The following FAM171A1 variants were observed in gnomAD, a reference collection of about 807,000 sequenced individuals.
FAM171A1 encodes the protein family with sequence similarity 171 member A1.
FAM171A1 carries 23 observed loss-of-function variants against 74.9 expected under a neutral mutation model. The observed-to-expected ratio is 0.31, with a 90% CI of 0.22 to 0.44. FAM171A1 has a LOEUF of 0.44. Among genes scored for constraint, FAM171A1 ranks in the 20% least tolerant of loss-of-function variants. FAM171A1 has a pLI of 1.00. For synonymous variants in FAM171A1, 527 were observed against 505.7 expected (o/e 1.04, Z -0.57); for missense variants, 1,162 against 1,159.2 (o/e 1.00, Z -0.03).
chr10:15,353,297 G>A (rs777295804), intron 1 of FAM171A1, among the ~76,000 whole-genome samples: 31 of 152,184 alleles, frequency 2.0e-4, no homozygotes, highest in Non-Finnish European at 4.1e-4. Flanking sequence ...ATAGTTTGAC[G>A]CCGCCCTTTG....
chr10:15,333,422 C>G (rs1835664571), intron 1 of FAM171A1, among the ~76,000 whole-genome samples: 1 of 152,196 alleles, frequency 6.6e-6, no homozygotes, highest in African/African-American at 2.4e-5. Context: ...ATTGCCTGAA[C>G]CCAGGAGGCG....
intron 1 of FAM171A1, among the ~76,000 whole-genome samples, chr10:15,287,017 TA>T (rs1293286742): frequency 7.2e-5 from 11 of 151,808 alleles, no homozygotes; most frequent in Admixed American, 1.3e-4. Context: ...GATATGATAT[TA>T]CAGAATACAT....
intron 1 of FAM171A1, among the ~76,000 whole-genome samples, chr10:15,362,867 T>G (rs916387678): frequency 1.3e-5 from 2 of 152,262 alleles, no homozygotes; most frequent in African/African-American, 4.8e-5. Context: ...CTTCTCACTT[T>G]AGGCATTTAT....
intron 1 of FAM171A1, among the ~76,000 whole-genome samples, chr10:15,312,673 G>GTTTGTTTTTTTTTTTT (rs1564274246): frequency 8.2e-5 from 3 of 36,382 alleles, no homozygotes; most frequent in African/African-American, 1.2e-4. Context: ...AGCACTGTGT[G>GTTTGTTTTTTTTTTTT]TTTTTTTTTT....
chr10:15,263,781 ATCT>A (rs1834697044), intron 3 of FAM171A1, among the ~76,000 whole-genome samples: 4 of 150,348 alleles, frequency 2.7e-5, no homozygotes, highest in African/African-American at 9.9e-5. Context: ...CTATCTATCT[ATCT>A]ATCATCTATC....
At chr10:15,249,944 C>T (rs1374648651) in intron 4 of FAM171A1, among the ~76,000 whole-genome samples, 1 of 152,210 alleles carries the variant, frequency 6.6e-6, no homozygotes, top group African/African-American at 2.4e-5. Flanking sequence ...GACAAAAACA[C>T]AGCGATAAAA....
chr10:15,357,730 A>T (rs544685008), intron 1 of FAM171A1, among the ~76,000 whole-genome samples: 1 of 152,338 alleles, frequency 6.6e-6, no homozygotes, highest in African/African-American at 2.4e-5. Context: ...ACAGAATATG[A>T]TTAATGGATG....
intron 5 of FAM171A1, among the ~76,000 whole-genome samples, chr10:15,235,668 A>G (rs965425370): frequency 1.3e-5 from 2 of 152,198 alleles, no homozygotes; most frequent in Admixed American, 6.5e-5. Context: ...GACTCAGGCA[A>G]TAACATTATG....
At chr10:15,251,350 T>C (rs943444391) in intron 4 of FAM171A1, among the ~76,000 whole-genome samples, 4 of 152,100 alleles carry the variant, frequency 2.6e-5, no homozygotes, top group Non-Finnish European at 4.4e-5. Flanking sequence ...TGCTTCTCTA[T>C]GCCTTCCCAA....
intron 1 of FAM171A1, among the ~76,000 whole-genome samples, chr10:15,348,813 C>A (rs533687543): frequency 6.6e-6 from 1 of 152,302 alleles, no homozygotes; most frequent in East Asian, 1.9e-4. Context: ...TGCCCCATTC[C>A]AAAAAGCCAT....
At chr10:15,266,450 C>T (rs1834742136) in intron 3 of FAM171A1, among the ~76,000 whole-genome samples, 1 of 152,160 alleles carries the variant, frequency 6.6e-6, no homozygotes, top group Non-Finnish European at 1.5e-5. Context: ...AACCATGTGG[C>T]ATCCAGGCTG....
At chr10:15,347,288 G>C (rs1159138578) in intron 1 of FAM171A1, among the ~76,000 whole-genome samples, 1 of 152,030 alleles carries the variant, frequency 6.6e-6, no homozygotes, top group Non-Finnish European at 1.5e-5. Flanking sequence ...AGCATAAAAG[G>C]GTGGTTCAAC....
chr10:15,296,498 T>C (rs1835162876), intron 1 of FAM171A1, among the ~76,000 whole-genome samples: 1 of 152,182 alleles, frequency 6.6e-6, no homozygotes, highest in South Asian at 2.1e-4. Flanking sequence ...TGTGTTTAAT[T>C]CTGAAAACAA....
chr10:15,363,723 G>GT lies in FAM171A1; in HGVS notation c.97+7232dup, dbSNP rs200573336. On this transcript the variant is annotated intron_variant, in intron 1 of 7. Transcript: ENST00000378116. ...GCCATCAGTGACCCCTTCAGCTTCT[G>GT]TTTGAGACCCTGCCCAAATGTCACC... Among the ~76,000 whole-genome samples, 647 of 152,250 alleles carry GT rather than the reference G, an allele frequency of 4.2e-3. 6 individuals carry two copies. The highest frequency in any genetic ancestry group is 0.015 in the African/African-American group (625 of 41,552).
chr10:15,237,409 T>A (rs1834305816), intron 5 of FAM171A1: 1 of 152,166 alleles, frequency 6.6e-6, no homozygotes. Context: ...GGCTTAATGA[T>A]TCCTAGGAAT....
chr10:15,303,545 C>T (rs1251363949), intron 1 of FAM171A1, among the ~76,000 whole-genome samples: 1 of 152,188 alleles, frequency 6.6e-6, no homozygotes, highest in Non-Finnish European at 1.5e-5. Flanking sequence ...TTCCCTCTCT[C>T]GCCTGGAGAA....
intron 5 of FAM171A1, among the ~76,000 whole-genome samples, chr10:15,238,645 C>T (rs1176782157): frequency 1.3e-5 from 2 of 151,986 alleles, no homozygotes; most frequent in Non-Finnish European, 2.9e-5. Context: ...ATTAAATGAG[C>T]TTGTCATAGC....
At chr10:15,365,153 A>G (rs1377963647) in intron 1 of FAM171A1, among the ~76,000 whole-genome samples, 1 of 152,172 alleles carries the variant, frequency 6.6e-6, no homozygotes, top group Non-Finnish European at 1.5e-5. Flanking sequence ...TTTATCCCCA[A>G]GACTCTTCGG....
chr10:15,270,064 C>T lies in FAM171A1; in HGVS notation c.418+5791G>A, dbSNP rs558402403. Among the ~76,000 whole-genome samples the T allele has an allele frequency of 1.4e-4, 22 of 152,240 alleles. No individual in the cohort carries two copies. In the South Asian group the frequency reaches 2.5e-3, roughly 17 times the overall value. On this transcript the variant is annotated intron_variant, in intron 3 of 7. Coordinates refer to ENST00000378116, the MANE Select transcript of FAM171A1 (RefSeq NM_001010924.2). Reference sequence around the variant, plus strand: ...CTTGTCGGACAGTAGGTGCAGCCCACGGAGCATGGCGGAGCATCGCCTCAC... The same window carrying T: ...CTTGTCGGACAGTAGGTGCAGCCCATGGAGCATGGCGGAGCATCGCCTCAC...
Sources: gnomAD v4.1 joint callset for allele counts (sites outside exome capture counted in the v4.1 genomes callset) on GRCh38, gnomAD v4.1.1 for gene constraint, MANE v1.5 for transcripts, NCBI Gene and HGNC (gene_info 2026-07-23, HGNC 2026-07-21) for gene names.